The following LCLAT1 variants were observed in gnomAD, a reference collection of about 807,000 sequenced individuals.
LCLAT1 encodes lysocardiolipin acyltransferase 1.
LCLAT1 carries 11 observed loss-of-function variants against 30.7 expected under a neutral mutation model. The ratio of observed to expected loss-of-function variants is 0.36; its 90% CI spans 0.23 to 0.59. The LOEUF is 0.59. Ranked by LOEUF, LCLAT1 falls within the 20% of genes least tolerant of loss-of-function variation. The pLI is 0.77. For missense variants in LCLAT1, 402 were observed against 458.6 expected (o/e 0.88, Z 1.13); for synonymous variants, 155 against 151.3 (o/e 1.02, Z -0.18).
chr2:30,629,496 GT>G (rs1300431270), intron 5 of LCLAT1, among the ~76,000 whole-genome samples: 1 of 152,172 alleles, frequency 6.6e-6, no homozygotes, highest in Admixed American at 6.5e-5. Flanking sequence ...GGAAGTGGAA[GT>G]TGCAGTGAGC....
Position 30,643,833 on chromosome 2 carries a change from T to G in LCLAT1, c.*3214T>G, listed in dbSNP as rs931630118. ...TATGTAGTGTGTTTCTTAGGTAAAG[T>G]CTCTTTTTGCTACTGAAAGGGAAAT... is the stretch of plus-strand genomic sequence containing the variant. On this transcript the variant is annotated 3_prime_UTR_variant, in exon 6 of 6. Transcript: ENST00000379509. 6.6e-6 allele frequency: 1 copy of G among 152,602 alleles called. No homozygotes were observed. Among genetic ancestry groups the G allele is most frequent in the African/African-American group, 2.4e-5 (1 of 41,426 alleles). The allele number at this position is 152,602 out of a possible 1,614,324, so 9.5% of individuals were successfully genotyped here.
intron 3 of LCLAT1, chr2:30,552,649 T>C (rs948861694): frequency 3.1e-6 from 1 of 318,704 alleles, no homozygotes; most frequent in South Asian, 2.4e-5. Flanking sequence ...CAGTTTGTAA[T>C]GTGAGTTCAG....
At chr2:30,476,530 G>A in intron 1 of LCLAT1, 2 of 456,118 alleles carry the variant, frequency 4.4e-6, no homozygotes, top group South Asian at 1.5e-5. Flanking sequence ...TGTTCCTTAG[G>A]AGAATCTAAT....
chr2:30,499,583 T>G (rs1355074359), intron 1 of LCLAT1, among the ~76,000 whole-genome samples: 1 of 152,222 alleles, frequency 6.6e-6, no homozygotes, highest in East Asian at 1.9e-4. Flanking sequence ...AAGTTATCTC[T>G]AAAGCCTATT....
chr2:30,574,581 C>A (rs1170422757), intron 5 of LCLAT1, among the ~76,000 whole-genome samples: 2 of 152,140 alleles, frequency 1.3e-5, no homozygotes, highest in Admixed American at 1.3e-4. Flanking sequence ...TGAGAAAGAG[C>A]AGTCTCATAA....
chr2:30,573,467 T>G (rs1398319570), intron 5 of LCLAT1, among the ~76,000 whole-genome samples: 1 of 152,148 alleles, frequency 6.6e-6, no homozygotes, highest in Non-Finnish European at 1.5e-5. Context: ...CAAGGTTAAA[T>G]CTACTCTAAC....
chr2:30,633,110 C>G (rs566053363), intron 5 of LCLAT1, among the ~76,000 whole-genome samples: 1 of 152,296 alleles, frequency 6.6e-6, no homozygotes, highest in African/African-American at 2.4e-5. Context: ...TTATTACTAG[C>G]TATGTACTGT....
At position 30,606,207 on chromosome 2, in the gene LCLAT1, G is replaced by A. The variant is rs149333791; in HGVS notation, c.629-33910G>A. The A allele has an allele frequency of 3.6e-3, 1,160 of 323,830 alleles. 13 individuals carry two copies. Among genetic ancestry groups the A allele is most frequent in the African/African-American group, 0.025 (1,058 of 42,810 alleles). The allele number at this position is 323,830 out of a possible 1,614,324, so 20.1% of individuals were successfully genotyped here. On this transcript the variant is annotated intron_variant, in intron 5 of 5. Transcript: ENST00000379509. The stretch of plus-strand genomic sequence containing the variant: ...TCAATGCTATTCCCATTAAACTGCC[G>A]TTGACATTCTTCATAGAATTAGAAA...
rs1369468465 is a variant in LCLAT1 at position 30,640,612 on chromosome 2, A to G, written c.1124A>G (p.Asn375Ser). The G allele has an allele frequency of 1.3e-6, 2 of 1,599,070 alleles. No individual in the cohort carries two copies. Among genetic ancestry groups the G allele is most frequent in the East Asian group, 2.2e-5 (1 of 44,818 alleles). ...HKQPHLNSKKNE is the reference protein window; with the variant it reads ...HKQPHLNSKKSE ...CAGCCACATTTAAATTCAAAGAAAA[A>G]TGAGTAAGATTATAAGGTTTGCCAT... The change falls in exon 6 of 6, where the codon AAT (asparagine) becomes AGT (serine). Residue 375 changes from asparagine (N) to serine (S), a missense_variant. By Grantham distance (46) the Asn-to-Ser change is conservative. Transcript: ENST00000379509.
At position 30,468,393 on chromosome 2, in the gene LCLAT1, T is replaced by G. The variant is rs188670925; in HGVS notation, c.-5+21010T>G. Among the ~76,000 whole-genome samples the G allele has an allele frequency of 4.4e-3, 671 of 152,324 alleles. 7 individuals are homozygous for G. The highest frequency in any genetic ancestry group is 0.015 in the African/African-American group (638 of 41,570). ...GTCAGGTAGTGTGATGCCTCCAGCTTTGTTCTTTTGGCTTAGGATTGACTT... is the reference window on the plus strand; with the variant it reads ...GTCAGGTAGTGTGATGCCTCCAGCTGTGTTCTTTTGGCTTAGGATTGACTT... On this transcript the variant is annotated intron_variant, in intron 1 of 5. Transcript: ENST00000379509.
At chr2:30,536,979 C>T (rs1216415850) in intron 3 of LCLAT1, among the ~76,000 whole-genome samples, 1 of 151,968 alleles carries the variant, frequency 6.6e-6, no homozygotes, top group Admixed American at 6.6e-5. Context: ...AAGAAACTGA[C>T]TTCACCCGTG....
intron 4 of LCLAT1, among the ~76,000 whole-genome samples, chr2:30,565,953 G>T (rs574054112): frequency 6.6e-6 from 1 of 152,138 alleles, no homozygotes; most frequent in African/African-American, 2.4e-5. Flanking sequence ...CAACTGCACC[G>T]ATCCTGAGGT....
chr2:30,592,737 A>G (rs1420984539), intron 5 of LCLAT1, among the ~76,000 whole-genome samples: 6 of 152,222 alleles, frequency 3.9e-5, no homozygotes, highest in Non-Finnish European at 8.8e-5. Context: ...TTATTAAAGT[A>G]GGTCCAATAG....
intron 3 of LCLAT1, among the ~76,000 whole-genome samples, chr2:30,556,476 A>G (rs1205253394): frequency 6.6e-6 from 1 of 152,054 alleles, no homozygotes; most frequent in Non-Finnish European, 1.5e-5. Flanking sequence ...GCAAAAAACC[A>G]CAAGGGAGTA....
intron 1 of LCLAT1, among the ~76,000 whole-genome samples, chr2:30,496,050 G>T (rs1240777621): frequency 6.6e-6 from 1 of 152,082 alleles, no homozygotes; most frequent in African/African-American, 2.4e-5. Context: ...AACTTATAAT[G>T]GTGGCAGAAG....
chr2:30,496,081 C>T (rs1425231476), intron 1 of LCLAT1, among the ~76,000 whole-genome samples: 1 of 151,984 alleles, frequency 6.6e-6, no homozygotes, highest in Non-Finnish European at 1.5e-5. Context: ...AGCTGGATTG[C>T]CTTACATGGC....
chr2:30,508,319 A>G (rs977453196), intron 1 of LCLAT1, among the ~76,000 whole-genome samples: 11 of 152,010 alleles, frequency 7.2e-5, no homozygotes, highest in Non-Finnish European at 1.5e-4. Flanking sequence ...CTTTCGTTGC[A>G]GTTACTTTTG....
At chr2:30,613,597 G>A (rs941420637) in intron 5 of LCLAT1, among the ~76,000 whole-genome samples, 11 of 138,338 alleles carry the variant, frequency 8.0e-5, no homozygotes, top group South Asian at 2.5e-4. Flanking sequence ...GGGAACCAGC[G>A]TTCAGCATAT....
At chr2:30,460,239 C>G (rs1682046535) in intron 1 of LCLAT1, among the ~76,000 whole-genome samples, 3 of 152,206 alleles carry the variant, frequency 2.0e-5, no homozygotes, top group Non-Finnish European at 4.4e-5. Flanking sequence ...TCTCTAGGCT[C>G]ATGATCTCCA....
Sources: gnomAD v4.1 joint callset for allele counts (sites outside exome capture counted in the v4.1 genomes callset) on GRCh38, gnomAD v4.1.1 for gene constraint, MANE v1.5 for transcripts, NCBI Gene and HGNC (gene_info 2026-07-23, HGNC 2026-07-21) for gene names.